MGAM2: variants seen among roughly 807,000 people sequenced by gnomAD.
MGAM2 encodes probable maltase-glucoamylase 2.
Under a neutral mutation model 96.1 loss-of-function variants are expected in MGAM2, and 98 were observed. The ratio of observed to expected loss-of-function variants is 1.02; its 90% CI spans 0.87 to 1.21. The LOEUF is 1.21. MGAM2 is among the 50% of genes most tolerant of loss of function. MGAM2 has a pLI of 0.00. For missense variants in MGAM2, 2,055 were observed against 1,182.4 expected (o/e 1.74, Z -10.82); for synonymous variants, 749 against 414.8 (o/e 1.81, Z -9.79).
In MGAM2 at chr7:142,123,963, CTT is replaced by C. The variant is rs960655956; in HGVS notation, c.186+3608_186+3609del. ...ATGGTATCAGGTAAGAGTCCAGAAA[CTT>C]TTTTTTTTTTTTTTTTTTTTTTTTT... On this transcript the variant is annotated intron_variant, in intron 3 of 47. Coordinates refer to ENST00000477922, the MANE Select transcript of MGAM2 (RefSeq NM_001293626.2). Among the ~76,000 whole-genome samples, 312 of 97,992 alleles carry C rather than the reference CTT, an allele frequency of 3.2e-3. 1 individual carries two copies. Among genetic ancestry groups the C allele is most frequent in the South Asian group, 0.016 (49 of 3,084 alleles). 64.3% of individuals were successfully genotyped at this position (97,992 alleles called of 152,430 possible).
rs1043455814 is a variant in MGAM2 at position 142,218,519 on chromosome 7, A to G, written c.5346A>G (p.Glu1782=). The G allele has an allele frequency of 5.7e-6, 4 of 698,924 alleles. No homozygotes were observed. Among genetic ancestry groups the G allele is most frequent in the African/African-American group, 3.5e-5 (2 of 57,128 alleles). The allele number at this position is 698,924 out of a possible 1,614,324, so 43.3% of individuals were successfully genotyped here. The change falls in exon 47 of 48, where the codon GAA becomes GAG. Residue 1782 remains glutamate, a synonymous_variant. Coordinates refer to ENST00000477922, the MANE Select transcript of MGAM2 (RefSeq NM_001293626.2). The stretch of plus-strand genomic sequence containing the variant: ...TTATGGAGACAAATTTCAAGAGTGA[A>G]CCTTATAATCAGGTAGGTCTGAAAG... ...RQFMETNFKS[E]PYNQILTIQL...
intron 9 of MGAM2, 61 bp downstream of exon 9, chr7:142,137,606 A>G: frequency 1.7e-6 from 1 of 572,540 alleles, no homozygotes; most frequent in South Asian, 2.2e-5. Context: ...CTCATTATAA[A>G]TTAATAAAAG....
intron 18 of MGAM2, 66 bp downstream of exon 18, chr7:142,158,157 G>T (rs894884222): frequency 1.1e-5 from 8 of 699,748 alleles, no homozygotes; most frequent in Non-Finnish European, 2.1e-5. Flanking sequence ...GTTTGTGGTA[G>T]CAAGGTTAGT....
chr7:142,122,846 T>G (rs1794622851), intron 3 of MGAM2, among the ~76,000 whole-genome samples: 1 of 152,158 alleles, frequency 6.6e-6, no homozygotes, highest in African/African-American at 2.4e-5. Flanking sequence ...TTGTTGTTGT[T>G]GTTGGATGAA....
At position 142,203,707 on chromosome 7, in the gene MGAM2, A is replaced by G. The variant is rs1306523006; in HGVS notation, c.5137+3739A>G. 2.6e-5 allele frequency among the ~76,000 whole-genome samples: 4 copies of G among 152,114 alleles called. No individual in the cohort carries two copies. In the East Asian group the frequency reaches 7.7e-4, roughly 29 times the overall value. On this transcript the variant is annotated intron_variant, in intron 45 of 47. Coordinates refer to ENST00000477922, the MANE Select transcript of MGAM2 (RefSeq NM_001293626.2). ...GAAATAAAGCCACACACCTACAACC[A>G]TCTAATCTTTGACAAAGGTGACAAA... is the stretch of plus-strand genomic sequence containing the variant.
chr7:142,140,314 T>C (rs1168019231), intron 10 of MGAM2, among the ~76,000 whole-genome samples: 1 of 152,026 alleles, frequency 6.6e-6, no homozygotes, highest in Non-Finnish European at 1.5e-5. Context: ...TGCATGAGAG[T>C]TTAGTTGATA....
intron 26 of MGAM2, among the ~76,000 whole-genome samples, chr7:142,168,766 C>T (rs764293705): frequency 7.4e-5 from 11 of 148,868 alleles, no homozygotes; most frequent in Non-Finnish European, 1.6e-4. Flanking sequence ...AATATTTTAA[C>T]CAATGCGCTA....
intron 45 of MGAM2, among the ~76,000 whole-genome samples, chr7:142,205,588 C>T (rs1241930845): frequency 6.6e-6 from 1 of 151,934 alleles, no homozygotes; most frequent in Non-Finnish European, 1.5e-5. Context: ...TTTACATGTA[C>T]TTATTATTCA....
chr7:142,218,258 C>A, intron 46 of MGAM2, 103 bp from the exon 47 acceptor site: 2 of 482,086 alleles, frequency 4.1e-6, no homozygotes, highest in Non-Finnish European at 7.3e-6. Flanking sequence ...AAATAGCAAA[C>A]TAATATAACA....
chr7:142,192,591 G>T (rs140623431), intron 37 of MGAM2, among the ~76,000 whole-genome samples: 54 of 152,250 alleles, frequency 3.5e-4, no homozygotes, highest in Admixed American at 9.8e-4. Flanking sequence ...TTTTCTTTTG[G>T]CAAAGAAGGG....
At chr7:142,130,854 T>C in intron 3 of MGAM2, 94 bp from the exon 4 acceptor site, 1 of 626,862 alleles carries the variant, frequency 1.6e-6, no homozygotes, top group South Asian at 1.8e-5. Context: ...CTATCTTAAA[T>C]TCTCCTTGGA....
intron 37 of MGAM2, among the ~76,000 whole-genome samples, chr7:142,195,357 T>C (rs995522962): frequency 1.5e-5 from 2 of 135,910 alleles, no homozygotes; most frequent in Non-Finnish European, 3.2e-5. Context: ...TTTTTTTTTT[T>C]TTTTTTTTTT....
intron 31 of MGAM2, among the ~76,000 whole-genome samples, chr7:142,173,873 G>T (rs1008945999): frequency 5.3e-5 from 8 of 152,098 alleles, no homozygotes; most frequent in African/African-American, 1.9e-4. Flanking sequence ...GTAAGGAAGG[G>T]GTCCAGTTTC....
At position 142,134,039 on chromosome 7, in the gene MGAM2, C is replaced by G; in HGVS notation, c.634C>G (p.Arg212Gly). ...FAQQYLQLSF[R>G]LPSANVYGLG... ...CCAGCAGTACCTGCAACTGTCTTTC[C>G]GACTGCCCAGTGCCAATGTGTATGG... is the stretch of plus-strand genomic sequence containing the variant. The change falls in exon 7 of 48, where the codon CGA becomes GGA. Residue 212 changes from arginine (R) to glycine (G), a missense_variant. Arg to Gly is a moderately radical substitution (Grantham distance 125). Transcript: ENST00000477922. The G allele has an allele frequency of 1.3e-6, 1 of 750,532 alleles. No homozygotes were observed. Among genetic ancestry groups the G allele is most frequent in the Non-Finnish European group, 2.4e-6 (1 of 410,006 alleles). The allele number at this position is 750,532 out of a possible 1,614,324, so 46.5% of individuals were successfully genotyped here.
At position 142,165,063 on chromosome 7, in the gene MGAM2, C is replaced by A. The variant is rs1433551245; in HGVS notation, c.2652+40C>A. 4 of 644,384 alleles carry A rather than the reference C, an allele frequency of 6.2e-6. No individual in the cohort carries two copies. The East Asian group carries it at 8.5e-5, about 14-fold the overall frequency. 39.9% of individuals were successfully genotyped at this position (644,384 alleles called of 1,614,324 possible). On this transcript the variant is annotated intron_variant, in intron 24 of 47. Coordinates refer to ENST00000477922, the MANE Select transcript of MGAM2 (RefSeq NM_001293626.2). Reference sequence around the variant, plus strand: ...CATTCTGCAGGGCCCTTTCCAGAGGCCTTGGCTCTGACAGCCAGCCCTACT... The same window carrying A: ...CATTCTGCAGGGCCCTTTCCAGAGGACTTGGCTCTGACAGCCAGCCCTACT...
chr7:142,183,134 AT>A, intron 32 of MGAM2, 131 bp from the exon 33 acceptor site: 1 of 472,556 alleles, frequency 2.1e-6, no homozygotes, highest in South Asian at 2.5e-5. Flanking sequence ...AATGATTTTT[AT>A]TTTATTTCAT....
chr7:142,131,173 C>T (rs2129077130), intron 4 of MGAM2, 102 bp downstream of exon 4: 1 of 646,928 alleles, frequency 1.5e-6, no homozygotes, highest in South Asian at 1.7e-5. Context: ...GGCGTGGTGG[C>T]TCACGTCTGT....
In MGAM2 at chr7:142,170,200, G is replaced by C; in HGVS notation, c.3153G>C (p.Gln1051His). The change falls in exon 27 of 48, where the codon CAG (glutamine) becomes CAC (histidine). Residue 1051 changes from glutamine (Q) to histidine (H), a missense_variant. Coordinates refer to ENST00000477922, the MANE Select transcript of MGAM2 (RefSeq NM_001293626.2). ...VRIQNNPFGIQIQRKNSSTVI... is the reference protein window; with the variant it reads ...VRIQNNPFGIHIQRKNSSTVI... ...TTCAGAACAATCCTTTTGGAATCCA[G>C]ATTCAACGCAAAAACTCCAGCACTG... 1 of 702,684 alleles carries C rather than the reference G, an allele frequency of 1.4e-6. No individual in the cohort carries two copies. Among genetic ancestry groups the C allele is most frequent in the Non-Finnish European group, 2.6e-6 (1 of 384,802 alleles). The allele number at this position is 702,684 out of a possible 1,614,324, so 43.5% of individuals were successfully genotyped here. A position where few individuals can be genotyped will look rare whatever the true frequency, so the allele number is the denominator to read the frequency against.
At chr7:142,216,882 T>G (rs1797777150) in intron 46 of MGAM2, among the ~76,000 whole-genome samples, 1 of 152,208 alleles carries the variant, frequency 6.6e-6, no homozygotes, top group African/African-American at 2.4e-5. Context: ...GATTATTGCA[T>G]GTAATCTTCA....
Sources: allele counts gnomAD v4.1 joint callset (sites outside exome capture counted in the v4.1 genomes callset), GRCh38; gene constraint gnomAD v4.1.1; transcripts MANE v1.5; gene names NCBI Gene and HGNC (gene_info 2026-07-23, HGNC 2026-07-21).